GLCCI1: variants seen among roughly 807,000 people sequenced by gnomAD.
The protein encoded by GLCCI1 is glucocorticoid induced 1, also known as glucocorticoid-induced transcript 1 protein.
A neutral mutation model predicts 52.2 loss-of-function variants in GLCCI1; 24 were observed. That is an observed-to-expected ratio of 0.46 (90% CI 0.33 to 0.65). GLCCI1 has a LOEUF of 0.65. GLCCI1 is among the 30% of genes least tolerant of loss of function. The probability of loss-of-function intolerance (pLI) is 0.02; values close to 1 mark genes in which losing one functional copy is unlikely to be tolerated. For synonymous variants in GLCCI1, 310 were observed against 276.5 expected, an observed-to-expected ratio of 1.12 and a Z score of -1.20; for missense variants, 704 against 701.5, an observed-to-expected ratio of 1.00 and a Z score of -0.04.
At chr7:8,075,941 AGT>A (rs1782867921) in intron 6 of GLCCI1, among the ~76,000 whole-genome samples, 1 of 152,196 alleles carries the variant, frequency 6.6e-6, no homozygotes, top group African/African-American at 2.4e-5. Flanking sequence ...CTAAACTTTT[AGT>A]GTTAGGACTG....
At chr7:8,059,571 G>C (rs1377959506) in intron 4 of GLCCI1, among the ~76,000 whole-genome samples, 1 of 152,154 alleles carries the variant, frequency 6.6e-6, no homozygotes, top group African/African-American at 2.4e-5. Flanking sequence ...AAATTGTTAA[G>C]TGAGTTGTTG....
At chr7:7,983,103 G>A (rs1217563682) in intron 1 of GLCCI1, among the ~76,000 whole-genome samples, 33 of 152,142 alleles carry the variant, frequency 2.2e-4, no homozygotes, top group Admixed American at 2.1e-3. Context: ...ACGTGTTGTA[G>A]TTAACTTCTT....
At chr7:8,042,166 A>G (rs1379313102) in intron 3 of GLCCI1, among the ~76,000 whole-genome samples, 1 of 152,210 alleles carries the variant, frequency 6.6e-6, no homozygotes, top group Non-Finnish European at 1.5e-5. Flanking sequence ...AAAAAAAATT[A>G]ATGTTTTCAT....
chr7:8,004,019 A>G lies in GLCCI1; in HGVS notation c.569A>G (p.His190Arg), dbSNP rs916942179. The G allele has an allele frequency of 1.1e-5, 17 of 1,613,696 alleles. No individual in the cohort carries two copies. Among genetic ancestry groups the G allele is most frequent in the Non-Finnish European group, 1.4e-5 (16 of 1,179,810 alleles). ...YLTGQWPRDP[H>R]VHYPSCMKDK... ...ACAGGACAGTGGCCACGGGATCCTC[A>G]TGTTCACTACCCTTCATGCATGAAA... The change falls in exon 2 of 8, where the codon CAT (histidine) becomes CGT (arginine). Residue 190 changes from histidine to arginine, a missense_variant. By Grantham distance (29) the His-to-Arg change is conservative (BLOSUM62 0). Transcript: ENST00000223145.
chr7:7,969,915 T>C lies in GLCCI1; in HGVS notation c.457+108T>C. ...CTCTTTGCTAGTGCATTATCGAAGGTGTGAAAGTGGCTTTGGGAATCTCAC... is the reference window on the plus strand; with the variant it reads ...CTCTTTGCTAGTGCATTATCGAAGGCGTGAAAGTGGCTTTGGGAATCTCAC... On this transcript the variant is annotated intron_variant, in intron 1 of 7. Coordinates refer to ENST00000223145, the MANE Select transcript of GLCCI1 (RefSeq NM_138426.4). The surrounding 1 kb of genome is among the most constrained non-coding windows in gnomAD (Gnocchi z 4.9). 1 of 1,112,706 alleles carries C rather than the reference T, an allele frequency of 9.0e-7. No individual in the cohort carries two copies. Among genetic ancestry groups the C allele is most frequent in the Non-Finnish European group, 1.1e-6 (1 of 904,372 alleles). The allele number at this position is 1,112,706 out of a possible 1,614,324, so 68.9% of individuals were successfully genotyped here.
chr7:7,985,743 G>A (rs906845937), intron 1 of GLCCI1, among the ~76,000 whole-genome samples: 2 of 152,096 alleles, frequency 1.3e-5, no homozygotes, highest in South Asian at 2.1e-4. Flanking sequence ...AAATCAATCC[G>A]TTTAGATATA....
At chr7:8,038,661 A>G (rs1781924277) in intron 3 of GLCCI1, among the ~76,000 whole-genome samples, 1 of 152,214 alleles carries the variant, frequency 6.6e-6, no homozygotes, top group Non-Finnish European at 1.5e-5. Flanking sequence ...TTTGGAGGAA[A>G]CCTAGGACAA....
intron 6 of GLCCI1, among the ~76,000 whole-genome samples, chr7:8,072,132 A>G (rs1346674194): frequency 4.6e-5 from 7 of 152,288 alleles, no homozygotes; most frequent in African/African-American, 1.7e-4. Context: ...CTTCCCAAAT[A>G]GTATCCTTCC....
At chr7:8,028,851 A>G (rs1459896305) in intron 3 of GLCCI1, among the ~76,000 whole-genome samples, 2 of 152,186 alleles carry the variant, frequency 1.3e-5, no homozygotes, top group African/African-American at 4.8e-5. Flanking sequence ...TGGAATATCT[A>G]TAAGAAATGA....
intron 2 of GLCCI1, among the ~76,000 whole-genome samples, chr7:8,006,911 ATCC>A (rs1485230335): frequency 1.3e-5 from 2 of 152,190 alleles, no homozygotes; most frequent in Non-Finnish European, 2.9e-5. Flanking sequence ...TTCAAGTGCC[ATCC>A]TCAAAAAGCA....
intron 1 of GLCCI1, 59 bp from the exon 2 acceptor site, chr7:8,003,849 G>T (rs1781094182): frequency 6.8e-7 from 1 of 1,470,854 alleles, no homozygotes; most frequent in East Asian, 2.3e-5. Context: ...TATGAAGTTA[G>T]ATAACTTTAA....
At chr7:8,075,984 A>C (rs938316951) in intron 6 of GLCCI1, among the ~76,000 whole-genome samples, 7 of 152,336 alleles carry the variant, frequency 4.6e-5, no homozygotes, top group Admixed American at 4.6e-4. Context: ...GAAAAAAATC[A>C]AAAGTATTAA....
chr7:8,011,616 G>C (rs1389846797), intron 2 of GLCCI1, among the ~76,000 whole-genome samples: 3 of 152,062 alleles, frequency 2.0e-5, no homozygotes, highest in African/African-American at 4.8e-5. Context: ...TAGTGTGTGG[G>C]TATCTTTTCG....
chr7:8,061,501 A>T (rs1211098708), intron 5 of GLCCI1, among the ~76,000 whole-genome samples: 4 of 152,130 alleles, frequency 2.6e-5, no homozygotes, highest in Non-Finnish European at 5.9e-5. Flanking sequence ...GCATTTGTAC[A>T]TTTAAAATCT....
chr7:8,019,239 G>A (rs1781434871), intron 2 of GLCCI1, among the ~76,000 whole-genome samples: 1 of 152,174 alleles, frequency 6.6e-6, no homozygotes, highest in African/African-American at 2.4e-5. Flanking sequence ...ACAGCCGGTA[G>A]CCACATGTGG....
At chr7:7,970,876 C>G (rs963726124) in intron 1 of GLCCI1, among the ~76,000 whole-genome samples, 1 of 151,498 alleles carries the variant, frequency 6.6e-6, no homozygotes, top group Non-Finnish European at 1.5e-5. Context: ...GTGGAAAAAT[C>G]TCTGCTTGGA....
At chr7:8,055,856 C>G (rs7805751) in intron 4 of GLCCI1, 29,472 of 180,502 alleles carry the variant, frequency 0.16, 2,868 homozygotes, top group East Asian at 0.36. Context: ...AGCCGGGCGT[C>G]GTGCCGGGCG....
chr7:8,004,622 C>G (rs1416303023), intron 2 of GLCCI1, among the ~76,000 whole-genome samples: 2 of 152,214 alleles, frequency 1.3e-5, no homozygotes, highest in African/African-American at 2.4e-5. Flanking sequence ...TATCTGAGTT[C>G]TTGACCATAT....
At chr7:8,052,048 C>T (rs1782269919) in intron 3 of GLCCI1, among the ~76,000 whole-genome samples, 1 of 152,102 alleles carries the variant, frequency 6.6e-6, no homozygotes, top group Non-Finnish European at 1.5e-5. Flanking sequence ...CTATAGGTCA[C>T]CTTTGTGTGA....
Sources: gnomAD v4.1 joint callset for allele counts (sites outside exome capture counted in the v4.1 genomes callset) on GRCh38, gnomAD v4.1.1 for gene constraint, Gnocchi (gnomAD v3.1) non-coding constraint, MANE v1.5 for transcripts, NCBI Gene and HGNC (gene_info 2026-07-23, HGNC 2026-07-21) for gene names.